The following TMCO4 variants were observed in gnomAD, a reference collection of about 807,000 sequenced individuals.
The protein encoded by TMCO4 is transmembrane and coiled-coil domains 4.
TMCO4 carries 58 observed loss-of-function variants against 64.7 expected under a neutral mutation model. The ratio of observed to expected loss-of-function variants is 0.90; its 90% confidence interval spans 0.73 to 1.12. TMCO4 has a LOEUF of 1.12. Ranked by LOEUF, TMCO4 falls within the 50% of genes most tolerant of loss-of-function variation. The pLI is 0.00. For synonymous variants in TMCO4, 325 were observed against 346.1 expected (o/e 0.94, Z 0.68); for missense variants, 780 against 825.9 (o/e 0.94, Z 0.68).
chr1:19,703,199 G>A lies in TMCO4; in HGVS notation c.1265-2314C>T, dbSNP rs147187000. Among the ~76,000 whole-genome samples, 170 of 152,278 alleles carry A rather than the reference G, an allele frequency of 1.1e-3. 1 individual carries two copies. The highest frequency in any genetic ancestry group is 3.9e-3 in the African/African-American group (162 of 41,552). ...AACCAGTTTACAGGCTTTGACATCA[G>A]GTTCAAATCCCAGCTTAGCCACTTC... On this transcript the variant is annotated intron_variant, in intron 13 of 15. Coordinates refer to ENST00000294543, the MANE Select transcript of TMCO4 (RefSeq NM_181719.7).
At chr1:19,749,021 G>A (rs1413039054) in intron 7 of TMCO4, among the ~76,000 whole-genome samples, 2 of 152,148 alleles carry the variant, frequency 1.3e-5, no homozygotes, top group Non-Finnish European at 2.9e-5. Context: ...GAAGCAGAAA[G>A]CAACAGTAAA....
chr1:19,688,036 C>A (rs1038803906), intron 15 of TMCO4, among the ~76,000 whole-genome samples: 1 of 152,088 alleles, frequency 6.6e-6, no homozygotes, highest in Admixed American at 6.5e-5. Context: ...CTGGTGTAGC[C>A]GATACTGCGT....
intron 12 of TMCO4, among the ~76,000 whole-genome samples, chr1:19,738,927 T>TTTCTTC (rs996113116): frequency 5.3e-5 from 8 of 152,330 alleles, no homozygotes; most frequent in Non-Finnish European, 1.0e-4. Flanking sequence ...GGCTTTGCTG[T>TTTCTTC]TTCTTCTTCA....
intron 2 of TMCO4, among the ~76,000 whole-genome samples, chr1:19,790,036 A>G (rs1413472453): frequency 6.7e-6 from 1 of 149,980 alleles, no homozygotes; most frequent in Non-Finnish European, 1.5e-5. Context: ...CTGGGTGACA[A>G]CAGAGTGAGA....
At chr1:19,706,010 C>T (rs977012021) in intron 13 of TMCO4, among the ~76,000 whole-genome samples, 2 of 152,144 alleles carry the variant, frequency 1.3e-5, no homozygotes, top group Admixed American at 6.6e-5. Context: ...AAGTGATTCT[C>T]CTACCTCTGC....
At chr1:19,699,979 A>C (rs3934192) in intron 14 of TMCO4, among the ~76,000 whole-genome samples, 2 of 151,934 alleles carry the variant, frequency 1.3e-5, no homozygotes, top group Non-Finnish European at 2.9e-5. Context: ...CTCAGAACCC[A>C]GGCCTGTGTG....
At chr1:19,725,243 C>T (rs1360683143) in intron 13 of TMCO4, among the ~76,000 whole-genome samples, 1 of 152,208 alleles carries the variant, frequency 6.6e-6, no homozygotes, top group Non-Finnish European at 1.5e-5. Flanking sequence ...TGCAGGCAGG[C>T]TGGCTCAGCT....
chr1:19,717,255 C>T (rs907019601), intron 13 of TMCO4, among the ~76,000 whole-genome samples: 1 of 152,156 alleles, frequency 6.6e-6, no homozygotes, highest in African/African-American at 2.4e-5. Context: ...GGGTGTGTGG[C>T]TTCCCCAGCT....
At chr1:19,758,147 T>C (rs1269593991) in intron 6 of TMCO4, among the ~76,000 whole-genome samples, 7 of 152,198 alleles carry the variant, frequency 4.6e-5, no homozygotes, top group Admixed American at 2.6e-4. Context: ...CCTGAAGTCT[T>C]GAAGTTTGAG....
chr1:19,737,494 C>T (rs1198995296), intron 12 of TMCO4, 38 bp from the exon 13 acceptor site: 2 of 1,600,202 alleles, frequency 1.2e-6, no homozygotes, highest in Admixed American at 1.7e-5. Context: ...GGAAGGAATA[C>T]TGCCAGTTCT....
chr1:19,773,024 T>C (rs193223465), intron 4 of TMCO4, among the ~76,000 whole-genome samples: 14 of 152,258 alleles, frequency 9.2e-5, no homozygotes, highest in African/African-American at 3.1e-4. Context: ...ATCCCGCCTC[T>C]ACTAAAAGTA....
chr1:19,685,709 T>C lies in TMCO4; in HGVS notation c.1501-2265A>G, dbSNP rs998215174. 7.2e-5 allele frequency among the ~76,000 whole-genome samples: 6 copies of C among 83,258 alleles called. No individual in the cohort carries two copies. In the South Asian group the frequency reaches 1.7e-3, roughly 23 times the overall value. 54.6% of individuals were successfully genotyped at this position (83,258 alleles called of 152,430 possible). ...GCTGGGATTTGAATCCAGGCCTGTT[T>C]CTTTTTTTTTTTTTTTTTTTTTGAG... On this transcript the variant is annotated intron_variant, in intron 15 of 15. Transcript: ENST00000294543.
intron 6 of TMCO4, among the ~76,000 whole-genome samples, chr1:19,767,540 A>G (rs952706274): frequency 2.0e-5 from 3 of 152,090 alleles, no homozygotes; most frequent in Non-Finnish European, 4.4e-5. Flanking sequence ...GGTGCCCAAG[A>G]TGGTTTGGGG....
rs1157362739 is a variant in TMCO4 at position 19,740,767 on chromosome 1, G to A, written c.1042+10C>T. ...CATGCTGTTGTTGGGGGGCAGGTGG[G>A]GGCACTTACCAGACAACACTGTGTA... On this transcript the variant is annotated intron_variant, in intron 11 of 15. Coordinates refer to ENST00000294543, the MANE Select transcript of TMCO4 (RefSeq NM_181719.7). 2 of 1,602,034 alleles carry A rather than the reference G, an allele frequency of 1.2e-6. No homozygotes were observed. Among genetic ancestry groups the A allele is most frequent in the South Asian group, 2.2e-5 (2 of 89,232 alleles).
chr1:19,717,186 CAAAT>C (rs1175277215), intron 13 of TMCO4, among the ~76,000 whole-genome samples: 1 of 152,128 alleles, frequency 6.6e-6, no homozygotes, highest in African/African-American at 2.4e-5. Context: ...AACTCCATCT[CAAAT>C]AAATAAAATT....
At chr1:19,775,110 G>T (rs2043151157) in intron 4 of TMCO4, among the ~76,000 whole-genome samples, 1 of 152,190 alleles carries the variant, frequency 6.6e-6, no homozygotes, top group East Asian at 1.9e-4. Flanking sequence ...TGTTGCCCAG[G>T]CTGGAGTGTA....
intron 13 of TMCO4, among the ~76,000 whole-genome samples, chr1:19,727,610 T>C (rs994976085): frequency 6.6e-6 from 1 of 152,184 alleles, no homozygotes; most frequent in Non-Finnish European, 1.5e-5. Context: ...TTGCTTTGAT[T>C]GAAAACATCC....
chr1:19,773,941 G>A (rs1468471598), intron 4 of TMCO4, among the ~76,000 whole-genome samples: 1 of 152,172 alleles, frequency 6.6e-6, no homozygotes, highest in East Asian at 1.9e-4. Flanking sequence ...AATTGGCTTT[G>A]TGTCCTCACT....
At chr1:19,789,789 A>G (rs2043934031) in intron 2 of TMCO4, among the ~76,000 whole-genome samples, 1 of 152,100 alleles carries the variant, frequency 6.6e-6, no homozygotes. Context: ...GCAGTGGCTC[A>G]TGCCTATAAT....
Sources: gnomAD v4.1 joint callset for allele counts (sites outside exome capture counted in the v4.1 genomes callset) on GRCh38, gnomAD v4.1.1 for gene constraint, MANE v1.5 for transcripts, NCBI Gene and HGNC (gene_info 2026-07-23, HGNC 2026-07-21) for gene names.